CSNK1A1: variants seen among roughly 807,000 people sequenced by gnomAD.
CSNK1A1 encodes casein kinase 1 alpha 1, also known as casein kinase I isoform alpha.
CSNK1A1 carries 7 observed loss-of-function variants against 46.1 expected under a neutral mutation model. That is an observed-to-expected ratio of 0.15 (90% CI 0.09 to 0.29). The LOEUF is 0.29. Ranked by LOEUF, CSNK1A1 falls within the 10% of genes least tolerant of loss-of-function variation. CSNK1A1 has a pLI of 1.00. For missense variants in CSNK1A1, 96 were observed against 417.1 expected, an observed-to-expected ratio of 0.23 and a Z score of 6.71; for synonymous variants, 137 against 141.5, an observed-to-expected ratio of 0.97 and a Z score of 0.23.
Position 149,525,310 on chromosome 5 carries a change from C to T in CSNK1A1, c.231-139G>A, listed in dbSNP as rs1333612109. The T allele has an allele frequency of 2.3e-6, 2 of 879,942 alleles. No individual in the cohort carries two copies. Among genetic ancestry groups the T allele is most frequent in the Admixed American group, 3.4e-5 (1 of 29,108 alleles). 54.5% of individuals were successfully genotyped at this position (879,942 alleles called of 1,614,324 possible). A position where few individuals can be genotyped will look rare whatever the true frequency, so the allele number is the denominator to read the frequency against. ...TTCCCCTACTCAGAAGACAAACCCA[C>T]TAATTAACTACAAGGCCCAAAGACA... On this transcript the variant is annotated intron_variant, in intron 2 of 9. Coordinates refer to ENST00000377843, the MANE Select transcript of CSNK1A1 (RefSeq NM_001892.6). This position sits in a 1 kb window ranked among gnomAD's most constrained non-coding sequence, Gnocchi z 4.2.
intron 6 of CSNK1A1, among the ~76,000 whole-genome samples, chr5:149,510,621 G>A (rs900573316): frequency 6.6e-6 from 1 of 152,064 alleles, no homozygotes; most frequent in Non-Finnish European, 1.5e-5. Context: ...TGGGGCTACA[G>A]GCATGTGACA....
At chr5:149,497,323 T>C (rs1327413141) in intron 9 of CSNK1A1, 1 of 987,698 alleles carries the variant, frequency 1.0e-6, no homozygotes, top group East Asian at 1.1e-4. Context: ...AGCATAATTA[T>C]CTGTATTATT....
At chr5:149,516,645 T>C (rs1328493092) in intron 4 of CSNK1A1, among the ~76,000 whole-genome samples, 5 of 152,154 alleles carry the variant, frequency 3.3e-5, no homozygotes, top group Admixed American at 1.3e-4. Flanking sequence ...AATATGTGAA[T>C]GGGTAAGTAA....
chr5:149,515,673 G>A (rs1032232709), intron 4 of CSNK1A1, among the ~76,000 whole-genome samples: 6 of 152,068 alleles, frequency 3.9e-5, no homozygotes, highest in African/African-American at 1.2e-4. Context: ...CATTACCTTC[G>A]GGTACCTATC....
At chr5:149,519,506 A>T (rs1040170755) in intron 4 of CSNK1A1, among the ~76,000 whole-genome samples, 1 of 152,200 alleles carries the variant, frequency 6.6e-6, no homozygotes, top group Non-Finnish European at 1.5e-5. Context: ...TAAAGAAAGC[A>T]ATTCACTCAG....
At chr5:149,505,327 C>A in intron 9 of CSNK1A1, 120 bp downstream of exon 9, 3 of 1,423,206 alleles carry the variant, frequency 2.1e-6, no homozygotes, top group South Asian at 1.7e-5. Flanking sequence ...TTTTTTAACG[C>A]AGAGCCAAAT....
rs1762606632 is a variant in CSNK1A1, at chr5:149,550,045, G to A, written c.230+30C>T. 3 of 1,604,708 alleles carry A rather than the reference G, an allele frequency of 1.9e-6. No individual in the cohort carries two copies. Among genetic ancestry groups the A allele is most frequent in the Middle Eastern group, 1.7e-4 (1 of 5,814 alleles). ...ACTTCCCCATTCCGTGCTTCCCTCA[G>A]CGGATCGCCTATATGCACCGGGTTC... On this transcript the variant is annotated intron_variant, in intron 2 of 9. Transcript: ENST00000377843. The surrounding 1 kb of genome is among the most constrained non-coding windows in gnomAD (Gnocchi z 4.3).
rs1395221074 is a variant in CSNK1A1, at chr5:149,493,605, G to A, written c.*3248C>T. The A allele has an allele frequency of 6.7e-6, 1 of 150,010 alleles. No individual in the cohort carries two copies. The highest frequency in any genetic ancestry group is 1.5e-5 in the Non-Finnish European group (1 of 67,740). The allele number at this position is 150,010 out of a possible 1,614,324, so 9.3% of individuals were successfully genotyped here. On this transcript the variant is annotated 3_prime_UTR_variant, in exon 10 of 10. Coordinates refer to ENST00000377843, the MANE Select transcript of CSNK1A1 (RefSeq NM_001892.6). ...ACTTGGTTCATCGCCATCTTTGGCTGTTTCAAACATACACTGCTAAAAAAA... is the reference window on the plus strand; with the variant it reads ...ACTTGGTTCATCGCCATCTTTGGCTATTTCAAACATACACTGCTAAAAAAA...
intron 2 of CSNK1A1, among the ~76,000 whole-genome samples, chr5:149,539,119 A>G (rs542542324): frequency 2.7e-4 from 41 of 152,302 alleles, no homozygotes; most frequent in African/African-American, 7.9e-4. Context: ...GGTTTCATAC[A>G]TCGATTTTAG....
chr5:149,544,357 C>T (rs184513278), intron 2 of CSNK1A1, among the ~76,000 whole-genome samples: 4 of 152,134 alleles, frequency 2.6e-5, no homozygotes, highest in East Asian at 3.9e-4. Context: ...AAGAATTTTT[C>T]GGTATGTCAT....
rs561224931 is a variant in CSNK1A1 at position 149,499,106 on chromosome 5, G to GA, written c.1007-2247dup. 6.7e-5 allele frequency: 66 copies of GA among 985,222 alleles called. No individual in the cohort carries two copies. The South Asian group carries it at 2.9e-3, about 43-fold the overall frequency. The allele number at this position is 985,222 out of a possible 1,614,324, so 61.0% of individuals were successfully genotyped here. ...TAAGATGTTACTGAAGTATGTTTAG[G>GA]AAAAAACCTCAATAGGAATATTCAA... On this transcript the variant is annotated intron_variant, in intron 9 of 9. Transcript: ENST00000377843.
chr5:149,532,434 T>C (rs1761932332), intron 2 of CSNK1A1, among the ~76,000 whole-genome samples: 1 of 151,354 alleles, frequency 6.6e-6, no homozygotes. Flanking sequence ...GGCTCACACC[T>C]GCAATTCTAG....
Position 149,493,392 on chromosome 5 carries a change from T to G in CSNK1A1, c.*3461A>C, listed in dbSNP as rs866622077. On this transcript the variant is annotated 3_prime_UTR_variant, in exon 10 of 10. Transcript: ENST00000377843. ...TTTTTTTTTTTTTTTTTAGATTTCCTTTGTGGCACCATAATAGAATGTTCC... is the reference window on the plus strand; with the variant it reads ...TTTTTTTTTTTTTTTTTAGATTTCCGTTGTGGCACCATAATAGAATGTTCC... 16 of 150,944 alleles carry G rather than the reference T, an allele frequency of 1.1e-4. No homozygotes were observed. The highest frequency in any genetic ancestry group is 3.9e-4 in the African/African-American group (16 of 40,998). 9.4% of individuals were successfully genotyped at this position (150,944 alleles called of 1,614,324 possible). A position where few individuals can be genotyped will look rare whatever the true frequency, so the allele number is the denominator to read the frequency against.
At position 149,494,141 on chromosome 5, in the gene CSNK1A1, G is replaced by A. The variant is rs1760595075; in HGVS notation, c.*2712C>T. 2 of 152,208 alleles carry A rather than the reference G, an allele frequency of 1.3e-5. No homozygotes were observed. Among genetic ancestry groups the A allele is most frequent in the Admixed American group, 6.5e-5 (1 of 15,272 alleles). The allele number at this position is 152,208 out of a possible 1,614,324, so 9.4% of individuals were successfully genotyped here. A position where few individuals can be genotyped will look rare whatever the true frequency, so the allele number is the denominator to read the frequency against. ...TTTGTTTGATTATTTTTATTATAAT[G>A]AAATTAAACTTATGACTATTACAGT... On this transcript the variant is annotated 3_prime_UTR_variant, in exon 10 of 10. Coordinates refer to ENST00000377843, the MANE Select transcript of CSNK1A1 (RefSeq NM_001892.6).
intron 2 of CSNK1A1, chr5:149,545,431 A>G: frequency 3.7e-6 from 2 of 535,436 alleles, no homozygotes; most frequent in South Asian, 4.9e-5. Flanking sequence ...GAGGAGCCTG[A>G]GCTGGAACTG....
In CSNK1A1 at chr5:149,511,881, G is replaced by A; in HGVS notation, c.597-9C>T. On this transcript the variant is annotated splice_polypyrimidine_tract_variant and intron_variant, in intron 5 of 9. Transcript: ENST00000377843. ...CCATGTCATCTCGGCGACTAGAAAA[G>A]AGAACGTAATTTTATAAACTGGAAC... 2 of 1,593,896 alleles carry A rather than the reference G, an allele frequency of 1.3e-6. No homozygotes were observed. Among genetic ancestry groups the A allele is most frequent in the Non-Finnish European group, 1.7e-6 (2 of 1,168,562 alleles).
rs1762634285 is a variant in CSNK1A1 at position 149,550,793 on chromosome 5, G to C, written c.123+49C>G. The C allele has an allele frequency of 6.2e-7, 1 of 1,612,172 alleles. No individual in the cohort carries two copies. Among genetic ancestry groups the C allele is most frequent in the African/African-American group, 1.3e-5 (1 of 74,860 alleles). On this transcript the variant is annotated intron_variant, in intron 1 of 9. Transcript: ENST00000377843. The surrounding 1 kb of genome is among the most constrained non-coding windows in gnomAD (Gnocchi z 4.3). Reference sequence around the variant, plus strand: ...TGGGGGTGCACGGTGGTGGTGGGGGGAATGAGTAAAAGCGCAGCGTTATCG... The same window carrying C: ...TGGGGGTGCACGGTGGTGGTGGGGGCAATGAGTAAAAGCGCAGCGTTATCG...
intron 2 of CSNK1A1, among the ~76,000 whole-genome samples, chr5:149,532,534 T>C (rs533066385): frequency 2.6e-5 from 4 of 151,900 alleles, no homozygotes; most frequent in African/African-American, 9.7e-5. Flanking sequence ...CTCTACTAAA[T>C]ATGCAAATAT....
intron 2 of CSNK1A1, among the ~76,000 whole-genome samples, chr5:149,533,840 T>TA (rs1170573500): frequency 6.6e-6 from 1 of 152,188 alleles, no homozygotes. Context: ...AAAATGTACT[T>TA]ATAGTCTTCA....
Sources: gnomAD v4.1 joint callset for allele counts (sites outside exome capture counted in the v4.1 genomes callset) on GRCh38, gnomAD v4.1.1 for gene constraint, Gnocchi (gnomAD v3.1) non-coding constraint, MANE v1.5 for transcripts, NCBI Gene and HGNC (gene_info 2026-07-23, HGNC 2026-07-21) for gene names.